DOK5: variants seen among roughly 807,000 people sequenced by gnomAD.
The protein encoded by DOK5 is downstream of tyrosine kinase 5.
A neutral mutation model predicts 43.3 loss-of-function variants in DOK5; 27 were observed. That is an observed-to-expected ratio of 0.62 (90% confidence interval 0.46 to 0.86). The LOEUF is 0.86. DOK5 is among the 40% of genes least tolerant of loss of function. DOK5 has a pLI of 0.00. For synonymous variants in DOK5, 146 were observed against 140.1 expected (o/e 1.04, Z -0.30); for missense variants, 373 against 392.9 (o/e 0.95, Z 0.43).
chr20:54,558,701 T>C (rs981396875), intron 2 of DOK5, among the ~76,000 whole-genome samples: 2 of 152,160 alleles, frequency 1.3e-5, no homozygotes, highest in African/African-American at 4.8e-5. Flanking sequence ...TGCTATTTGA[T>C]CAATACGGAG....
In DOK5 at chr20:54,486,425, G is replaced by A. The variant is rs186412459; in HGVS notation, c.66+10413G>A. Among the ~76,000 whole-genome samples the A allele has an allele frequency of 2.8e-3, 421 of 151,542 alleles. 2 individuals carry two copies. Among genetic ancestry groups the A allele is most frequent in the Middle Eastern group, 0.01 (3 of 294 alleles). ...AACTATACAATAAGTCTTGAAATAG[G>A]GCACACTGATCCCTCTCAGTTTATT... On this transcript the variant is annotated intron_variant, in intron 1 of 7. Transcript: ENST00000262593.
chr20:54,574,570 C>T (rs1019790255), intron 2 of DOK5, among the ~76,000 whole-genome samples: 13 of 152,214 alleles, frequency 8.5e-5, no homozygotes, highest in Admixed American at 6.5e-4. Context: ...GCTCATATGA[C>T]TAAATTCAGT....
At chr20:54,561,939 G>A (rs1244025158) in intron 2 of DOK5, among the ~76,000 whole-genome samples, 1 of 152,202 alleles carries the variant, frequency 6.6e-6, no homozygotes, top group African/African-American at 2.4e-5. Flanking sequence ...TTACAGGCGC[G>A]AGCCACTGCG....
intron 6 of DOK5, among the ~76,000 whole-genome samples, chr20:54,626,662 G>T (rs562560260): frequency 1.3e-5 from 2 of 152,130 alleles, no homozygotes; most frequent in African/African-American, 4.8e-5. Flanking sequence ...GTACAGATAT[G>T]CACATCTACA....
At chr20:54,588,915 A>G (rs544469584) in intron 4 of DOK5, 109 bp downstream of exon 4, 1 of 1,181,488 alleles carries the variant, frequency 8.5e-7, no homozygotes, top group African/African-American at 1.6e-5. Flanking sequence ...AAAAATGTAT[A>G]AAGAAATAAG....
At chr20:54,595,356 A>G (rs1178109158) in intron 5 of DOK5, among the ~76,000 whole-genome samples, 1 of 152,106 alleles carries the variant, frequency 6.6e-6, no homozygotes, top group East Asian at 1.9e-4. Flanking sequence ...AAAAGTTTAT[A>G]AAGGTCACTT....
At chr20:54,521,061 G>T (rs1983376825) in intron 1 of DOK5, among the ~76,000 whole-genome samples, 2 of 151,816 alleles carry the variant, frequency 1.3e-5, no homozygotes, top group Non-Finnish European at 2.9e-5. Context: ...ACATCACCTG[G>T]CCTTCTGGTT....
chr20:54,567,507 G>T (rs1985137402), intron 2 of DOK5, among the ~76,000 whole-genome samples: 2 of 152,020 alleles, frequency 1.3e-5, no homozygotes, highest in South Asian at 2.1e-4. Context: ...ATGTGAGTCT[G>T]TTCCTAGATT....
At chr20:54,610,642 CA>C in intron 6 of DOK5, 119 bp downstream of exon 6, 1 of 1,153,932 alleles carries the variant, frequency 8.7e-7, no homozygotes, top group African/African-American at 1.6e-5. Context: ...TTCCTCTTCT[CA>C]ACAGTGTATC....
At chr20:54,574,156 T>C (rs1415175222) in intron 2 of DOK5, among the ~76,000 whole-genome samples, 1 of 152,148 alleles carries the variant, frequency 6.6e-6, no homozygotes, top group African/African-American at 2.4e-5. Flanking sequence ...CTGTGCTGCC[T>C]GGGGAGGTTT....
chr20:54,601,994 A>G (rs896096305), intron 5 of DOK5, among the ~76,000 whole-genome samples: 2 of 152,036 alleles, frequency 1.3e-5, no homozygotes, highest in Non-Finnish European at 2.9e-5. Flanking sequence ...TCCCAGTCAC[A>G]CACGTTCCAT....
chr20:54,597,093 G>A (rs1173049746), intron 5 of DOK5, among the ~76,000 whole-genome samples: 5 of 152,230 alleles, frequency 3.3e-5, no homozygotes, highest in Admixed American at 3.3e-4. Context: ...CAGAAGAGGA[G>A]TGGAGGTGAG....
chr20:54,589,519 T>A (rs1985917533), intron 4 of DOK5, among the ~76,000 whole-genome samples: 1 of 152,204 alleles, frequency 6.6e-6, no homozygotes, highest in Non-Finnish European at 1.5e-5. Context: ...AAAATCAGTG[T>A]TGATTTACAG....
At chr20:54,505,387 TA>T (rs1280780993) in intron 1 of DOK5, among the ~76,000 whole-genome samples, 1 of 152,068 alleles carries the variant, frequency 6.6e-6, no homozygotes, top group East Asian at 1.9e-4. Context: ...TCACAAAGCC[TA>T]AGGTATTTAC....
At chr20:54,586,836 C>T (rs1985817581) in intron 2 of DOK5, among the ~76,000 whole-genome samples, 1 of 151,652 alleles carries the variant, frequency 6.6e-6, no homozygotes, top group Non-Finnish European at 1.5e-5. Context: ...TCCACGGTGG[C>T]TGAGACATAG....
chr20:54,477,392 A>G (rs1301082398), intron 1 of DOK5, among the ~76,000 whole-genome samples: 6 of 152,134 alleles, frequency 3.9e-5, no homozygotes, highest in Non-Finnish European at 8.8e-5. Context: ...TTTAGCGATT[A>G]TGTCCTGTGT....
At chr20:54,595,239 G>A (rs1413383188) in intron 5 of DOK5, among the ~76,000 whole-genome samples, 1 of 152,162 alleles carries the variant, frequency 6.6e-6, no homozygotes, top group East Asian at 1.9e-4. Context: ...TACTCGGGAG[G>A]CTGAGGCAGG....
rs149752614 is a variant in DOK5 at position 54,610,495 on chromosome 20, G to T, written c.707G>T (p.Arg236Leu). ...AALAIAEQHE[R>L]LLQSVKNSML... ...TTGGCCATAGCCGAGCAGCACGAGCGCTTGCTACAGAGTGTGAAAAACTCG... is the reference window on the plus strand; with the variant it reads ...TTGGCCATAGCCGAGCAGCACGAGCTCTTGCTACAGAGTGTGAAAAACTCG... The change falls in exon 6 of 8, where the codon CGC becomes CTC. Residue 236 changes from arginine (R) to leucine (L), a missense_variant. Transcript: ENST00000262593. The T allele has an allele frequency of 4.5e-6, 7 of 1,539,594 alleles. No homozygotes were observed. In the Admixed American group the frequency reaches 1.3e-4, roughly 28 times the overall value.
At chr20:54,487,068 T>G (rs919649760) in intron 1 of DOK5, among the ~76,000 whole-genome samples, 1 of 152,210 alleles carries the variant, frequency 6.6e-6, no homozygotes, top group Non-Finnish European at 1.5e-5. Flanking sequence ...CATAAAGACT[T>G]GAATATATTA....
Sources: gnomAD v4.1 joint callset for allele counts (sites outside exome capture counted in the v4.1 genomes callset) on GRCh38, gnomAD v4.1.1 for gene constraint, MANE v1.5 for transcripts, NCBI Gene and HGNC (gene_info 2026-07-23, HGNC 2026-07-21) for gene names.